TMTC1: variants seen among roughly 807,000 people sequenced by gnomAD.
TMTC1 encodes the protein transmembrane O-mannosyltransferase targeting cadherins 1.
A neutral mutation model predicts 104.8 loss-of-function variants in TMTC1; 73 were observed. The ratio of observed to expected loss-of-function variants is 0.70; its 90% CI spans 0.58 to 0.85. TMTC1 has a LOEUF of 0.85. Ranked by LOEUF, TMTC1 falls within the 40% of genes least tolerant of loss-of-function variation. The pLI is 0.00. For synonymous variants in TMTC1, 434 were observed against 428.7 expected (o/e 1.01, Z -0.15); for missense variants, 1,035 against 1,096.1 (o/e 0.94, Z 0.79).
In TMTC1 at chr12:29,675,589, TACACACACACACAC is replaced by T. The variant is rs10605906; in HGVS notation, c.939-42267_939-42254del. Reference sequence around the variant, plus strand: ...TCTGTGCCCTGGACACACATGCAAATACACACACACACACACACACACACACACACACACACACA... The same window carrying T: ...TCTGTGCCCTGGACACACATGCAAATACACACACACACACACACACACACA... On this transcript the variant is annotated intron_variant, in intron 5 of 17. Coordinates refer to ENST00000539277, the MANE Select transcript of TMTC1 (RefSeq NM_001193451.2). Among the ~76,000 whole-genome samples the T allele has an allele frequency of 3.2e-3, 378 of 116,612 alleles. 2 individuals are homozygous for T. Among genetic ancestry groups the T allele is most frequent in the South Asian group, 0.011 (44 of 3,868 alleles). 76.5% of individuals were successfully genotyped at this position (116,612 alleles called of 152,430 possible).
chr12:29,599,978 G>T (rs1364039919), intron 7 of TMTC1, among the ~76,000 whole-genome samples: 1 of 130,934 alleles, frequency 7.6e-6, no homozygotes, highest in Non-Finnish European at 1.5e-5. Flanking sequence ...ATGTGTGTGT[G>T]TGTGTGTGTA....
intron 5 of TMTC1, among the ~76,000 whole-genome samples, chr12:29,720,701 C>T (rs138717916): frequency 1.3e-5 from 2 of 151,690 alleles, no homozygotes; most frequent in African/African-American, 2.4e-5. Context: ...TGCTTCAATA[C>T]GAGATCAAGA....
chr12:29,660,057 T>C lies in TMTC1; in HGVS notation c.939-26721A>G, dbSNP rs913849026. On this transcript the variant is annotated intron_variant, in intron 5 of 17. Transcript: ENST00000539277. ...CCTTTTTGCAGGTGCATTCTGTTCC[T>C]CTAACAGGGAATGAAGTCAGTCACC... is the stretch of plus-strand genomic sequence containing the variant. The C allele has an allele frequency of 1.4e-5, 16 of 1,180,658 alleles. No homozygotes were observed. In the Admixed American group the frequency reaches 2.4e-4, roughly 18 times the overall value. 73.1% of individuals were successfully genotyped at this position (1,180,658 alleles called of 1,614,324 possible). A position where few individuals can be genotyped will look rare whatever the true frequency, so the allele number is the denominator to read the frequency against.
intron 17 of TMTC1, among the ~76,000 whole-genome samples, chr12:29,507,302 T>C (rs1482799707): frequency 1.3e-5 from 2 of 152,194 alleles, no homozygotes; most frequent in East Asian, 1.9e-4. Flanking sequence ...GGGCTAGTAC[T>C]GTTCCTTGTA....
intron 7 of TMTC1, among the ~76,000 whole-genome samples, 196 bp downstream of exon 7, chr12:29,603,982 C>T (rs76999995): frequency 0.047 from 7,180 of 152,158 alleles, 582 homozygotes; most frequent in African/African-American, 0.16. Context: ...GAAGGTAAAC[C>T]ACTGTAAACA....
intron 5 of TMTC1, among the ~76,000 whole-genome samples, chr12:29,678,540 C>T (rs956094742): frequency 2.0e-5 from 3 of 152,134 alleles, no homozygotes; most frequent in Admixed American, 1.3e-4. Flanking sequence ...CAGTGGGTTT[C>T]CGAATCATAG....
intron 1 of TMTC1, among the ~76,000 whole-genome samples, chr12:29,779,926 G>A (rs556842596): frequency 2.5e-4 from 38 of 152,228 alleles, no homozygotes; most frequent in Non-Finnish European, 3.7e-4. Context: ...CACCCATTAG[G>A]GAATGGTAAA....
At chr12:29,536,735 G>T (rs1944656127) in intron 10 of TMTC1, among the ~76,000 whole-genome samples, 1 of 152,092 alleles carries the variant, frequency 6.6e-6, no homozygotes, top group Admixed American at 6.5e-5. Context: ...ACCACTGCAG[G>T]CTGAGCTCCT....
chr12:29,713,300 T>TAC (rs10574727), intron 5 of TMTC1, among the ~76,000 whole-genome samples: 44,339 of 134,150 alleles, frequency 0.33, 7,218 homozygotes, highest in East Asian at 0.57. Context: ...CATAAACACA[T>TAC]ACACACACAC....
intron 5 of TMTC1, among the ~76,000 whole-genome samples, chr12:29,707,735 T>C (rs1049484566): frequency 6.6e-6 from 1 of 152,162 alleles, no homozygotes; most frequent in Non-Finnish European, 1.5e-5. Context: ...TTATCCCTCT[T>C]CCACATCCTC....
At position 29,783,633 on chromosome 12, in the gene TMTC1, C is replaced by T; in HGVS notation, c.119G>A (p.Cys40Tyr). The change falls in exon 1 of 18, where the codon TGC (cysteine) becomes TAC (tyrosine). Residue 40 changes from cysteine (C) to tyrosine (Y), a missense_variant. Coordinates refer to ENST00000539277, the MANE Select transcript of TMTC1 (RefSeq NM_001193451.2). The surrounding 1 kb of genome is among the most constrained non-coding windows in gnomAD (Gnocchi z 4.7). ...CTCGCCCTGCAGGGAGCGGCCGTAG[C>T]ACAGGCAGCTTGCCCCGGCCAGCAG... ...AALLAGASCL[C>Y]YGRSLQGEFV... The T allele has an allele frequency of 1.4e-6, 2 of 1,447,782 alleles. No homozygotes were observed. The highest frequency in any genetic ancestry group is 1.4e-5 in the South Asian group (1 of 73,944). 89.7% of individuals were successfully genotyped at this position (1,447,782 alleles called of 1,614,324 possible). A position where few individuals can be genotyped will look rare whatever the true frequency, so the allele number is the denominator to read the frequency against.
Position 29,691,733 on chromosome 12 carries a change from A to AAC in TMTC1, c.939-58398_939-58397insGT, listed in dbSNP as rs1555187832. 1.2e-3 allele frequency among the ~76,000 whole-genome samples: 177 copies of AAC among 142,970 alleles called. 15 individuals carry two copies. Among genetic ancestry groups the AAC allele is most frequent in the African/African-American group, 4.3e-3 (168 of 38,732 alleles). 93.8% of individuals were successfully genotyped at this position (142,970 alleles called of 152,430 possible). A position where few individuals can be genotyped will look rare whatever the true frequency, so the allele number is the denominator to read the frequency against. ...ACCCAAAAGTAGGAAAAAAAAAAAA[A>AAC]AAAAACCTACTTCCCACAATGGTGT... On this transcript the variant is annotated intron_variant, in intron 5 of 17. Transcript: ENST00000539277.
chr12:29,576,044 C>T (rs1247909811), intron 8 of TMTC1, among the ~76,000 whole-genome samples: 1 of 152,138 alleles, frequency 6.6e-6, no homozygotes, highest in Non-Finnish European at 1.5e-5. Context: ...TGCTTGTCTT[C>T]TTTTCAAAGA....
rs76562963 is a variant in TMTC1, at chr12:29,526,450, A to G, written c.1786-5730T>C. Among the ~76,000 whole-genome samples, 75 of 152,210 alleles carry G rather than the reference A, an allele frequency of 4.9e-4. No individual in the cohort carries two copies. The East Asian group carries it at 0.014, about 29-fold the overall frequency. On this transcript the variant is annotated intron_variant, in intron 11 of 17. Coordinates refer to ENST00000539277, the MANE Select transcript of TMTC1 (RefSeq NM_001193451.2). ...TTTATTTAAATTGTATACTTAAAAC[A>G]TTTTAGTGAGAGCTGATTTAGCATG...
intron 3 of TMTC1, among the ~76,000 whole-genome samples, chr12:29,756,476 T>C (rs1277046355): frequency 2.0e-5 from 3 of 152,224 alleles, no homozygotes; most frequent in Admixed American, 1.3e-4. Context: ...ATAATAAGCA[T>C]TTCTCTCTGG....
At chr12:29,626,501 G>C (rs1172861422) in intron 6 of TMTC1, among the ~76,000 whole-genome samples, 1 of 152,092 alleles carries the variant, frequency 6.6e-6, no homozygotes, top group Non-Finnish European at 1.5e-5. Context: ...TTTACAAAAA[G>C]ATGTATCAGA....
intron 5 of TMTC1, among the ~76,000 whole-genome samples, chr12:29,703,060 C>T (rs1384355134): frequency 6.6e-6 from 1 of 151,386 alleles, no homozygotes. Flanking sequence ...AGAAGAATTG[C>T]TTGAGCCCAG....
At chr12:29,515,793 T>C (rs1459158856) in intron 15 of TMTC1, among the ~76,000 whole-genome samples, 4 of 149,140 alleles carry the variant, frequency 2.7e-5, no homozygotes, top group African/African-American at 4.9e-5. Flanking sequence ...TTCTGATGCC[T>C]ACTACAGTGG....
At chr12:29,599,837 C>T (rs192289824) in intron 7 of TMTC1, among the ~76,000 whole-genome samples, 2,053 of 151,434 alleles carry the variant, frequency 0.014, 20 homozygotes, top group Non-Finnish European at 0.02. Context: ...AGAGCTTTTG[C>T]GTAAAAGTGA....
Sources: gnomAD v4.1 joint callset for allele counts (sites outside exome capture counted in the v4.1 genomes callset) on GRCh38, gnomAD v4.1.1 for gene constraint, Gnocchi (gnomAD v3.1) non-coding constraint, MANE v1.5 for transcripts, NCBI Gene and HGNC (gene_info 2026-07-23, HGNC 2026-07-21) for gene names.